Variants in GRIP1 observed in about 807,000 individuals in gnomAD.
The protein encoded by GRIP1 is glutamate receptor-interacting protein 1.
Under a neutral mutation model 129.9 loss-of-function variants are expected in GRIP1, and 45 were observed. The observed-to-expected ratio is 0.35, with a 90% CI of 0.27 to 0.44. GRIP1 has a LOEUF of 0.44. Among genes scored for constraint, GRIP1 ranks in the 20% least tolerant of loss-of-function variants. The pLI is 1.00. For synonymous variants in GRIP1, 530 were observed against 520.8 expected, an observed-to-expected ratio of 1.02 and a Z score of -0.24; for missense variants, 1,196 against 1,396.8, an observed-to-expected ratio of 0.86 and a Z score of 2.29.
At chr12:67,003,502 A>G (rs1395482295) in intron 1 of GRIP1, among the ~76,000 whole-genome samples, 1 of 151,996 alleles carries the variant, frequency 6.6e-6, no homozygotes, top group East Asian at 1.9e-4. Flanking sequence ...GACCAGCCTC[A>G]GCAACGTGGT....
chr12:66,686,037 T>C (rs1393956290), intron 1 of GRIP1, among the ~76,000 whole-genome samples: 2 of 152,202 alleles, frequency 1.3e-5, no homozygotes, highest in East Asian at 1.9e-4. Context: ...AAAACTCTTA[T>C]GGAAAAGAGG....
chr12:66,419,922 C>A (rs139415788), intron 15 of GRIP1, among the ~76,000 whole-genome samples: 123 of 152,224 alleles, frequency 8.1e-4, no homozygotes, highest in African/African-American at 2.9e-3. Context: ...ATGGCAAAAC[C>A]CCGCCTCTAG....
chr12:66,561,537 T>TA (rs1192263052), intron 2 of GRIP1, among the ~76,000 whole-genome samples: 2 of 152,036 alleles, frequency 1.3e-5, no homozygotes, highest in African/African-American at 4.8e-5. Flanking sequence ...ACAATATGGT[T>TA]AGTTATGATT....
chr12:66,379,601 C>G (rs1310463443), intron 19 of GRIP1, among the ~76,000 whole-genome samples, 165 bp from the exon 20 acceptor site: 1 of 152,180 alleles, frequency 6.6e-6, no homozygotes, highest in East Asian at 1.9e-4. Flanking sequence ...CCAAGTACTT[C>G]ATTTTGAGCC....
rs2059259989 is a variant in GRIP1, at chr12:66,465,406, T to C, written c.741A>G (p.Ala247=). 1.9e-6 allele frequency: 3 copies of C among 1,613,868 alleles called. No individual in the cohort carries two copies. Among genetic ancestry groups the C allele is most frequent in the East Asian group, 2.2e-5 (1 of 44,898 alleles). ...CAACTTCGACTAGTAGTGGCCCGGA[T>C]GCTGTTGCCACAGAGTCTGTCAAAG... is the stretch of plus-strand genomic sequence containing the variant. The part of the protein sequence containing the change: ...DVSVMDSVAT[A]SGPLLVEVAK... The change falls in exon 8 of 25, where the codon GCA becomes GCG. Residue 247 remains alanine (A), a synonymous_variant. Coordinates refer to ENST00000359742, the MANE Select transcript of GRIP1 (RefSeq NM_001366722.1).
intron 1 of GRIP1, among the ~76,000 whole-genome samples, chr12:66,688,753 T>C (rs2136306020): frequency 1.3e-5 from 2 of 148,356 alleles, no homozygotes; most frequent in African/African-American, 5.0e-5. Flanking sequence ...ACACTTTCAA[T>C]CACCAATCAC....
chr12:66,756,868 C>CT lies in GRIP1; in HGVS notation c.-420+47184dup, dbSNP rs200942954. Among the ~76,000 whole-genome samples the CT allele has an allele frequency of 1.6e-3, 238 of 152,294 alleles. 6 individuals carry two copies. In the East Asian group the frequency reaches 0.042, roughly 27 times the overall value. On this transcript the variant is annotated intron_variant, in intron 1 of 4. Transcript: ENST00000538373. ...ATCTAAGCCCTTCTGCCTTCAGAGA[C>CT]TGCCACTAACCATGTGGTGCTAGAT...
chr12:66,572,702 C>G (rs1401821314), intron 2 of GRIP1, among the ~76,000 whole-genome samples: 1 of 152,166 alleles, frequency 6.6e-6, no homozygotes, highest in South Asian at 2.1e-4. Flanking sequence ...TTCTTTGCTA[C>G]GTGTCTACAG....
intron 23 of GRIP1, among the ~76,000 whole-genome samples, chr12:66,363,158 T>C (rs12371322): frequency 1.8e-5 from 2 of 112,264 alleles, no homozygotes; most frequent in South Asian, 5.9e-4. Context: ...CATATATACA[T>C]ATATATACAC....
At chr12:66,915,960 G>T (rs993174555) in intron 1 of GRIP1, among the ~76,000 whole-genome samples, 4 of 152,172 alleles carry the variant, frequency 2.6e-5, no homozygotes, top group Admixed American at 6.5e-5. Context: ...AACTCATCAT[G>T]CCAGAAGGCA....
chr12:66,358,155 A>G (rs1345456670), intron 23 of GRIP1, among the ~76,000 whole-genome samples: 1 of 152,216 alleles, frequency 6.6e-6, no homozygotes, highest in Non-Finnish European at 1.5e-5. Flanking sequence ...TGGCCTTCCA[A>G]AAGTGCTGGG....
At chr12:66,914,843 G>A (rs902479884) in intron 1 of GRIP1, among the ~76,000 whole-genome samples, 16 of 152,172 alleles carry the variant, frequency 1.1e-4, no homozygotes, top group African/African-American at 3.9e-4. Flanking sequence ...ATCAGACTAA[G>A]CCAGGCATGG....
At chr12:66,677,288 A>C (rs2034380886) in intron 1 of GRIP1, among the ~76,000 whole-genome samples, 2 of 152,164 alleles carry the variant, frequency 1.3e-5, no homozygotes, top group African/African-American at 4.8e-5. Flanking sequence ...AAGAACTATA[A>C]ATTGCTTGGG....
intron 1 of GRIP1, among the ~76,000 whole-genome samples, chr12:66,987,288 G>A (rs148442574): frequency 4.1e-4 from 63 of 152,306 alleles, no homozygotes; most frequent in Non-Finnish European, 7.2e-4. Context: ...TGCCTGACTG[G>A]TAGTGAATAC....
chr12:66,424,290 C>T (rs1305465572), intron 14 of GRIP1, among the ~76,000 whole-genome samples: 1 of 152,160 alleles, frequency 6.6e-6, no homozygotes. Context: ...AAACAACTTA[C>T]TATATTACTT....
intron 1 of GRIP1, among the ~76,000 whole-genome samples, chr12:66,792,546 TA>T (rs2038575186): frequency 6.6e-6 from 1 of 152,074 alleles, no homozygotes; most frequent in Non-Finnish European, 1.5e-5. Flanking sequence ...ATCTACAAAA[TA>T]AAATAATTTA....
chr12:66,591,524 A>C (rs1163880875), intron 2 of GRIP1, among the ~76,000 whole-genome samples: 1 of 152,082 alleles, frequency 6.6e-6, no homozygotes, highest in Non-Finnish European at 1.5e-5. Flanking sequence ...ATTTTGCCTT[A>C]GTTTCTTTGG....
chr12:66,351,012 C>A (rs922339849), intron 24 of GRIP1, among the ~76,000 whole-genome samples: 1 of 152,118 alleles, frequency 6.6e-6, no homozygotes, highest in Admixed American at 6.6e-5. Context: ...GGAAGACACT[C>A]ATAGAAGGTA....
At chr12:66,552,379 C>T (rs2139321544) in intron 2 of GRIP1, among the ~76,000 whole-genome samples, 1 of 152,210 alleles carries the variant, frequency 6.6e-6, no homozygotes, top group East Asian at 1.9e-4. Flanking sequence ...ATTTGTGATA[C>T]TTTTAAAGAC....
Sources: gnomAD v4.1 joint callset for allele counts (sites outside exome capture counted in the v4.1 genomes callset) on GRCh38, gnomAD v4.1.1 for gene constraint, MANE v1.5 for transcripts, NCBI Gene and HGNC (gene_info 2026-07-23, HGNC 2026-07-21) for gene names.